The following TRAF3IP2 variants were observed in gnomAD, a reference collection of about 807,000 sequenced individuals.
The protein encoded by TRAF3IP2 is TRAF3 interacting protein 2.
Under a neutral mutation model 57.9 loss-of-function variants are expected in TRAF3IP2, and 35 were observed. The ratio of observed to expected loss-of-function variants is 0.60; its 90% CI spans 0.46 to 0.80. The LOEUF (loss-of-function observed/expected upper bound fraction) is 0.80, where lower values mean the gene tolerates loss of function less well. Ranked by LOEUF, TRAF3IP2 falls within the 30% of genes least tolerant of loss-of-function variation. The pLI, the probability that TRAF3IP2 is intolerant of heterozygous loss-of-function variation, is 0.00. For missense variants in TRAF3IP2, 556 were observed against 706.4 expected (o/e 0.79, Z 2.41); for synonymous variants, 251 against 268.9 (o/e 0.93, Z 0.65).
In TRAF3IP2 at chr6:111,566,580, A is replaced by G. The variant is rs2128371461; in HGVS notation, c.1360-20T>C. ...GGTCTTCTGTTAATGAGAGGGAGAA[A>G]GGCATGTTTATGGAAGTGTACCAGC... is the stretch of plus-strand genomic sequence containing the variant. On this transcript the variant is annotated intron_variant, in intron 6 of 8. Coordinates refer to ENST00000368761, the MANE Select transcript of TRAF3IP2 (RefSeq NM_147686.4). 6.2e-7 allele frequency: 1 copy of G among 1,603,892 alleles called. No homozygotes were observed. The highest frequency in any genetic ancestry group is 1.3e-5 in the African/African-American group (1 of 74,788).
intron 1 of TRAF3IP2, among the ~76,000 whole-genome samples, chr6:111,603,434 T>C (rs1796934432): frequency 6.6e-6 from 1 of 152,246 alleles, no homozygotes. Flanking sequence ...TGAATATGCC[T>C]CATCTGTGTT....
Position 111,556,198 on chromosome 6 carries a change from G to A in TRAF3IP2, c.*3207C>T, listed in dbSNP as rs563405165. Reference sequence around the variant, plus strand: ...TTTTGTCACTTGGCCAAGTGCGTGTGTGTGTGTATGTGTGCGTGTGTGTGT... The same window carrying A: ...TTTTGTCACTTGGCCAAGTGCGTGTATGTGTGTATGTGTGCGTGTGTGTGT... On this transcript the variant is annotated 3_prime_UTR_variant, in exon 9 of 9. Coordinates refer to ENST00000368761, the MANE Select transcript of TRAF3IP2 (RefSeq NM_147686.4). Among the ~76,000 whole-genome samples the A allele has an allele frequency of 7.2e-5, 11 of 152,058 alleles. No individual in the cohort carries two copies. Among genetic ancestry groups the A allele is most frequent in the Non-Finnish European group, 1.2e-4 (8 of 67,932 alleles).
rs1795228799 is a variant in TRAF3IP2 at position 111,556,045 on chromosome 6, G to T, written c.*3360C>A. On this transcript the variant is annotated 3_prime_UTR_variant, in exon 9 of 9. Coordinates refer to ENST00000368761, the MANE Select transcript of TRAF3IP2 (RefSeq NM_147686.4). The stretch of plus-strand genomic sequence containing the variant: ...TTGAACCCGGGAGGTGGAGGTTGCA[G>T]TGAGCTGTGATTGCACCACTGCACT... Among the ~76,000 whole-genome samples, 1 of 151,212 alleles carries T rather than the reference G, an allele frequency of 6.6e-6. No homozygotes were observed. Among genetic ancestry groups the T allele is most frequent in the South Asian group, 2.1e-4 (1 of 4,814 alleles).
chr6:111,557,647 G>C lies in TRAF3IP2; in HGVS notation c.*1758C>G, dbSNP rs1795291054. On this transcript the variant is annotated 3_prime_UTR_variant, in exon 9 of 9. Coordinates refer to ENST00000368761, the MANE Select transcript of TRAF3IP2 (RefSeq NM_147686.4). ...GAGTTTCACCGTGTTAGCCAGGATG[G>C]TCTTGATCTCCTGACCTCATGATCC... 6.6e-6 allele frequency: 1 copy of C among 151,514 alleles called. No homozygotes were observed. The highest frequency in any genetic ancestry group is 6.6e-5 in the Admixed American group (1 of 15,244). 9.4% of individuals were successfully genotyped at this position (151,514 alleles called of 1,614,324 possible). A position where few individuals can be genotyped will look rare whatever the true frequency, so the allele number is the denominator to read the frequency against.
intron 1 of TRAF3IP2, among the ~76,000 whole-genome samples, chr6:111,596,149 T>C (rs926363048): frequency 2.6e-5 from 4 of 152,214 alleles, no homozygotes; most frequent in African/African-American, 9.7e-5. Flanking sequence ...CTCCCTTCCC[T>C]GCTTTACCTT....
intron 2 of TRAF3IP2, among the ~76,000 whole-genome samples, chr6:111,590,168 T>C (rs1432779446): frequency 6.6e-6 from 1 of 152,234 alleles, no homozygotes; most frequent in Non-Finnish European, 1.5e-5. Flanking sequence ...TGATACATAT[T>C]ATTATTTCGG....
chr6:111,557,293 C>T lies in TRAF3IP2; in HGVS notation c.*2112G>A, dbSNP rs772634303. 3 of 151,876 alleles carry T rather than the reference C, an allele frequency of 2.0e-5. No individual in the cohort carries two copies. The highest frequency in any genetic ancestry group is 4.8e-5 in the African/African-American group (2 of 41,312). The allele number at this position is 151,876 out of a possible 1,614,324, so 9.4% of individuals were successfully genotyped here. On this transcript the variant is annotated 3_prime_UTR_variant, in exon 9 of 9. Transcript: ENST00000368761. ...AAAGCCATCCCACCTTTATAGTTTA[C>T]GTAGATTTGATACATGTATACATAT...
At chr6:111,582,271 T>G (rs1047907400) in intron 2 of TRAF3IP2, among the ~76,000 whole-genome samples, 2 of 152,220 alleles carry the variant, frequency 1.3e-5, no homozygotes, top group East Asian at 1.9e-4. Flanking sequence ...CAGTCATGCT[T>G]CTTCTGGCAA....
intron 5 of TRAF3IP2, among the ~76,000 whole-genome samples, chr6:111,567,991 A>G (rs1181754595): frequency 6.6e-6 from 1 of 152,264 alleles, no homozygotes; most frequent in Non-Finnish European, 1.5e-5. Flanking sequence ...GGGACACGGT[A>G]TACCACTAAG....
chr6:111,565,826 C>G (rs1303796663), intron 7 of TRAF3IP2, among the ~76,000 whole-genome samples: 1 of 152,214 alleles, frequency 6.6e-6, no homozygotes, highest in Non-Finnish European at 1.5e-5. Context: ...ACTCCCTTCC[C>G]TTGTTTGAGC....
chr6:111,559,309 A>G lies in TRAF3IP2; in HGVS notation c.*96T>C. On this transcript the variant is annotated 3_prime_UTR_variant, in exon 9 of 9. Coordinates refer to ENST00000368761, the MANE Select transcript of TRAF3IP2 (RefSeq NM_147686.4). ...GCCTCTCGGGGAGGAACAGAAAAAA[A>G]CCAGCCAGGAGTGCTACCGACCAGC... 6.6e-7 allele frequency: 1 copy of G among 1,508,346 alleles called. No individual in the cohort carries two copies. The highest frequency in any genetic ancestry group is 1.3e-5 in the South Asian group (1 of 74,528). The allele number at this position is 1,508,346 out of a possible 1,614,324, so 93.4% of individuals were successfully genotyped here.
In TRAF3IP2 at chr6:111,591,817, G is replaced by A. The variant is rs778280424; in HGVS notation, c.270C>T (p.Asp90=). 1.9e-6 allele frequency: 3 copies of A among 1,614,238 alleles called. No individual in the cohort carries two copies. Among genetic ancestry groups the A allele is most frequent in the Non-Finnish European group, 2.5e-6 (3 of 1,180,042 alleles). Residue 90 remains aspartate (D), a synonymous_variant, in exon 2 of 9, where the codon GAC becomes GAT. Coordinates refer to ENST00000368761, the MANE Select transcript of TRAF3IP2 (RefSeq NM_147686.4). The surrounding 1 kb of genome is among the most constrained non-coding windows in gnomAD (Gnocchi z 4.9). ...VTCLRTQVLE[D]SEDSFCRRHP... is the part of the protein sequence containing the mutation. Reference sequence around the variant, plus strand: ...GTCTCCTGCAGAAACTGTCTTCACTGTCCTCCAGAACTTGAGTGCGCAGGC... The same window carrying A: ...GTCTCCTGCAGAAACTGTCTTCACTATCCTCCAGAACTTGAGTGCGCAGGC...
intron 2 of TRAF3IP2, among the ~76,000 whole-genome samples, chr6:111,587,475 G>A (rs1796375915): frequency 6.6e-6 from 1 of 151,960 alleles, no homozygotes; most frequent in Non-Finnish European, 1.5e-5. Context: ...GGCTGGTCTT[G>A]AACTCCTGAC....
intron 1 of TRAF3IP2, among the ~76,000 whole-genome samples, chr6:111,602,529 A>AG (rs1350031538): frequency 1.3e-5 from 2 of 152,032 alleles, no homozygotes; most frequent in Non-Finnish European, 2.9e-5. Context: ...ACGCTGAAGG[A>AG]TTTTTTTGTA....
intron 3 of TRAF3IP2, among the ~76,000 whole-genome samples, chr6:111,578,372 G>A (rs559719913): frequency 2.2e-4 from 34 of 152,192 alleles, no homozygotes; most frequent in Non-Finnish European, 4.4e-4. Context: ...CCAGCACGGT[G>A]GCTAACACCC....
At chr6:111,599,689 G>A (rs1354899566) in intron 1 of TRAF3IP2, among the ~76,000 whole-genome samples, 2 of 152,204 alleles carry the variant, frequency 1.3e-5, no homozygotes, top group Admixed American at 6.5e-5. Context: ...TCTTCACAGC[G>A]CTACCTTTCT....
intron 1 of TRAF3IP2, chr6:111,600,457 A>G (rs1220063569): frequency 6.6e-6 from 1 of 152,238 alleles, no homozygotes; most frequent in Non-Finnish European, 1.5e-5. Flanking sequence ...AAGCTTTTCC[A>G]TAGTCACTTA....
rs200991285 is a variant in TRAF3IP2, at chr6:111,567,639, C to G, written c.1344G>C (p.Glu448Asp). Residue 448 changes from glutamate (E) to aspartate (D), a missense_variant, in exon 6 of 9, where the codon GAG becomes GAC. Around this residue, in one of 2 missense-constraint regions of TRAF3IP2, gnomAD observed 128 missense variants for 207.7 expected, o/e 0.62. Transcript: ENST00000368761. Reference sequence around the variant, plus strand: ...ATGTACTTACATCCCTAAGGTAGCGCTCCATCCATTTAATGATATCAATGC... The same window carrying G: ...ATGTACTTACATCCCTAAGGTAGCGGTCCATCCATTTAATGATATCAATGC... Reference protein sequence around the residue: ...IRGIDIIKWMERYLRDKTVMI... With the variant: ...IRGIDIIKWMDRYLRDKTVMI... 5 of 1,610,466 alleles carry G rather than the reference C, an allele frequency of 3.1e-6. No homozygotes were observed. The highest frequency in any genetic ancestry group is 2.7e-5 in the African/African-American group (2 of 74,960).
chr6:111,593,711 G>A (rs1796590140), intron 1 of TRAF3IP2, among the ~76,000 whole-genome samples: 1 of 152,102 alleles, frequency 6.6e-6, no homozygotes, highest in Admixed American at 6.6e-5. Flanking sequence ...TTCAGGCTGT[G>A]TATGTCCTCT....
Sources: allele counts gnomAD v4.1 joint callset (sites outside exome capture counted in the v4.1 genomes callset), GRCh38; gene constraint gnomAD v4.1.1; regional missense constraint gnomAD v4.1.1; non-coding constraint Gnocchi (gnomAD v3.1); transcripts MANE v1.5; gene names NCBI Gene and HGNC (gene_info 2026-07-23, HGNC 2026-07-21).